FRMD7: variants seen among roughly 807,000 people sequenced by gnomAD.
FRMD7 encodes the protein FERM domain containing 7.
Under a neutral mutation model 44.1 loss-of-function variants are expected in FRMD7, and 14 were observed. The ratio of observed to expected loss-of-function variants is 0.32; its 90% confidence interval spans 0.21 to 0.50. The LOEUF is 0.50. Among genes scored for constraint, FRMD7 ranks in the 20% least tolerant of loss-of-function variants. The probability of loss-of-function intolerance (pLI) is 0.99; values close to 1 mark genes in which losing one functional copy is unlikely to be tolerated. For synonymous variants in FRMD7, 212 were observed against 187.4 expected (o/e 1.13, Z -1.07); for missense variants, 501 against 522.3 (o/e 0.96, Z 0.40).
At chrX:132,120,270 G>C (rs1357750844) in intron 1 of FRMD7, among the ~76,000 whole-genome samples, 1 of 112,711 alleles carries the variant, frequency 8.9e-6, no homozygotes, top group Non-Finnish European at 1.9e-5. Flanking sequence ...AAGCGGGAGA[G>C]AGAAACTCCT....
intron 1 of FRMD7, among the ~76,000 whole-genome samples, chrX:132,109,698 G>A (rs1447457635): frequency 9.0e-6 from 1 of 111,680 alleles, no homozygotes. Flanking sequence ...GGTAATGTGA[G>A]ATCACCTAAC....
chrX:132,108,726 G>T (rs1928706349), intron 1 of FRMD7, among the ~76,000 whole-genome samples: 1 of 111,038 alleles, frequency 9.0e-6, no homozygotes, highest in Non-Finnish European at 1.9e-5. Flanking sequence ...ATGTGTCAAG[G>T]GCGGGACCAG....
At chrX:132,089,373 T>C (rs1049434745) in intron 5 of FRMD7, among the ~76,000 whole-genome samples, 3 of 112,172 alleles carry the variant, frequency 2.7e-5, no homozygotes, top group East Asian at 2.8e-4. Context: ...AAATGGATCA[T>C]AGATCTAACT....
intron 1 of FRMD7, among the ~76,000 whole-genome samples, chrX:132,110,707 G>T (rs775224961): frequency 8.9e-6 from 1 of 112,256 alleles, no homozygotes; most frequent in East Asian, 2.8e-4. Context: ...CTATCTGAGA[G>T]TGGGGATGCT....
At chrX:132,100,124 G>T (rs984627277) in intron 2 of FRMD7, among the ~76,000 whole-genome samples, 11 of 111,551 alleles carry the variant, frequency 9.9e-5, no homozygotes, top group Admixed American at 9.5e-4. Flanking sequence ...GTTTGTGTTT[G>T]GCAAATTGAG....
rs1928258205 is a variant in FRMD7 at position 132,094,069 on chromosome X, C to T, written c.355G>A (p.Ala119Thr). Residue 119 changes from alanine to threonine, a missense_variant, in exon 5 of 12, where the codon GCG becomes ACG. Around this residue, in one of 3 missense-constraint regions of FRMD7, gnomAD observed 453 missense variants for 452.7 expected, o/e 1.00. Transcript: ENST00000298542. ...GRLPCSDNCT[A>T]LMVSHILQSE... Reference sequence around the variant, plus strand: ...TGTAAGATGTGAGATACCATCAACGCTGTACAGTTGTCACTGCATGGAAGC... The same window carrying T: ...TGTAAGATGTGAGATACCATCAACGTTGTACAGTTGTCACTGCATGGAAGC... The T allele has an allele frequency of 8.5e-7, 1 of 1,174,653 alleles. No homozygotes were observed. The highest frequency in any genetic ancestry group is 1.8e-5 in the South Asian group (1 of 56,164).
intron 1 of FRMD7, among the ~76,000 whole-genome samples, chrX:132,126,035 G>A (rs1240236265): frequency 3.6e-5 from 4 of 111,406 alleles, no homozygotes; most frequent in Non-Finnish European, 7.5e-5. Flanking sequence ...ATTTTAAAGT[G>A]CTATCCACAG....
intron 3 of FRMD7, among the ~76,000 whole-genome samples, chrX:132,098,751 G>C (rs988496585): frequency 2.9e-4 from 31 of 108,065 alleles, no homozygotes; most frequent in Non-Finnish European, 4.6e-4. Flanking sequence ...TTTGGAAGCT[G>C]TTGGAATAAT....
intron 1 of FRMD7, among the ~76,000 whole-genome samples, chrX:132,122,543 C>T (rs2124031894): frequency 8.9e-6 from 1 of 112,292 alleles, no homozygotes; most frequent in African/African-American, 3.2e-5. Context: ...ACATATCTCC[C>T]ATATCCAAAA....
At chrX:132,102,208 T>TA (rs1397494571) in intron 1 of FRMD7, among the ~76,000 whole-genome samples, 1 of 110,723 alleles carries the variant, frequency 9.0e-6, no homozygotes, top group Non-Finnish European at 1.9e-5. Flanking sequence ...CGTCCAAAAA[T>TA]ACACCCCTCT....
chrX:132,088,695 T>C (rs1602803685), intron 5 of FRMD7, among the ~76,000 whole-genome samples: 1 of 112,016 alleles, frequency 8.9e-6, no homozygotes, highest in African/African-American at 3.2e-5. Flanking sequence ...TTATATATAC[T>C]AGCAATGAAT....
intron 2 of FRMD7, 138 bp downstream of exon 2, chrX:132,100,474 T>C: frequency 2.0e-6 from 1 of 508,384 alleles, no homozygotes; most frequent in Non-Finnish European, 3.5e-6. Flanking sequence ...AAAAACTAGT[T>C]ATTAAATCTA....
intron 2 of FRMD7, among the ~76,000 whole-genome samples, chrX:132,099,889 C>T (rs1928448435): frequency 1.8e-5 from 2 of 111,737 alleles, no homozygotes; most frequent in South Asian, 7.5e-4. Flanking sequence ...CATAATGAGC[C>T]TTTCTGGGAA....
chrX:132,097,441 C>T (rs750756172), intron 3 of FRMD7, 97 bp from the exon 4 acceptor site: 40 of 569,416 alleles, frequency 7.0e-5, no homozygotes, highest in South Asian at 1.2e-4. Flanking sequence ...ACACACACAC[C>T]GCTCTCCTCT....
At chrX:132,127,379 C>T (rs1299043662) in intron 1 of FRMD7, among the ~76,000 whole-genome samples, 1 of 111,995 alleles carries the variant, frequency 8.9e-6, no homozygotes, top group African/African-American at 3.2e-5. Flanking sequence ...AGGTTTTCTT[C>T]AGAAAAGGAG....
chrX:132,080,676 T>C (rs942081572), intron 9 of FRMD7, among the ~76,000 whole-genome samples: 2 of 110,483 alleles, frequency 1.8e-5, no homozygotes, highest in African/African-American at 6.6e-5. Context: ...TACCCGGCCA[T>C]GGTAGTGCAT....
chrX:132,103,949 A>G (rs1928578119), intron 1 of FRMD7, among the ~76,000 whole-genome samples: 1 of 112,378 alleles, frequency 8.9e-6, no homozygotes, highest in South Asian at 3.7e-4. Flanking sequence ...TGATTCATGT[A>G]CATTAGTATA....
At chrX:132,090,102 G>T (rs182985829) in intron 5 of FRMD7, among the ~76,000 whole-genome samples, 1 of 112,156 alleles carries the variant, frequency 8.9e-6, no homozygotes, top group Non-Finnish European at 1.9e-5. Context: ...ATGTGGCTGG[G>T]CGCAGTGGCT....
chrX:132,099,154 A>G (rs994184182), intron 3 of FRMD7, among the ~76,000 whole-genome samples: 2 of 112,122 alleles, frequency 1.8e-5, no homozygotes, highest in African/African-American at 6.5e-5. Context: ...ATGGCATTGC[A>G]GATTGACATC....
Sources: gnomAD v4.1 joint callset for allele counts (sites outside exome capture counted in the v4.1 genomes callset) on GRCh38, gnomAD v4.1.1 for gene constraint, gnomAD v4.1.1 regional missense constraint, MANE v1.5 for transcripts, NCBI Gene and HGNC (gene_info 2026-07-23, HGNC 2026-07-21) for gene names.